TMEM132D: variants seen among roughly 807,000 people sequenced by gnomAD.
TMEM132D encodes the protein mature OL transmembrane protein.
A neutral mutation model predicts 62.3 loss-of-function variants in TMEM132D; 21 were observed. The ratio of observed to expected loss-of-function variants is 0.34; its 90% CI spans 0.24 to 0.49. TMEM132D has a LOEUF of 0.49. TMEM132D is among the 20% of genes least tolerant of loss of function. The pLI is 0.99. For synonymous variants in TMEM132D, 621 were observed against 575.6 expected, an observed-to-expected ratio of 1.08 and a Z score of -1.13; for missense variants, 1,346 against 1,402.8, an observed-to-expected ratio of 0.96 and a Z score of 0.65.
At chr12:129,760,151 T>C (rs1870305170) in intron 1 of TMEM132D, among the ~76,000 whole-genome samples, 1 of 151,934 alleles carries the variant, frequency 6.6e-6, no homozygotes, top group African/African-American at 2.4e-5. Context: ...AAGCAATCCT[T>C]CTGCCTTGGC....
intron 3 of TMEM132D, among the ~76,000 whole-genome samples, chr12:129,454,858 C>T (rs578211937): frequency 1.3e-5 from 2 of 152,292 alleles, no homozygotes; most frequent in East Asian, 3.9e-4. Context: ...AGTCTGTTTT[C>T]CTTGATGAAC....
chr12:129,615,838 AATAAAAT>A (rs1285500075), intron 2 of TMEM132D, among the ~76,000 whole-genome samples: 35 of 150,096 alleles, frequency 2.3e-4, no homozygotes, highest in African/African-American at 8.0e-4. Flanking sequence ...AATAAAATAA[AATAAAAT>A]AAGATAGCTG....
chr12:129,398,847 C>A (rs1050074609), intron 3 of TMEM132D, among the ~76,000 whole-genome samples: 1 of 128,786 alleles, frequency 7.8e-6, no homozygotes, highest in Non-Finnish European at 1.5e-5. Flanking sequence ...TCCATCCATC[C>A]ATCCATCCAT....
chr12:129,215,385 C>G (rs1879173722), intron 4 of TMEM132D, among the ~76,000 whole-genome samples: 1 of 152,104 alleles, frequency 6.6e-6, no homozygotes, highest in South Asian at 2.1e-4. Flanking sequence ...GGGTAGTAGG[C>G]TTAATACCTG....
intron 2 of TMEM132D, among the ~76,000 whole-genome samples, chr12:129,669,944 G>A (rs1880465965): frequency 6.6e-6 from 1 of 152,106 alleles, no homozygotes; most frequent in African/African-American, 2.4e-5. Flanking sequence ...GTTGCAAAGT[G>A]GTTTCATTCT....
intron 1 of TMEM132D, among the ~76,000 whole-genome samples, chr12:129,748,372 G>A (rs1339017224): frequency 6.6e-6 from 1 of 152,076 alleles, no homozygotes; most frequent in Non-Finnish European, 1.5e-5. Flanking sequence ...GAGGAGGGAG[G>A]TTTTTCATTG....
intron 1 of TMEM132D, among the ~76,000 whole-genome samples, chr12:129,880,827 T>C (rs765345058): frequency 7.9e-5 from 12 of 151,264 alleles, no homozygotes; most frequent in African/African-American, 2.5e-4. Context: ...AAAGAACAGA[T>C]AGAACAAATA....
chr12:129,544,714 T>G (rs1048660251), intron 2 of TMEM132D, among the ~76,000 whole-genome samples: 1 of 151,146 alleles, frequency 6.6e-6, no homozygotes, highest in African/African-American at 2.4e-5. Context: ...AGAAAAGAAA[T>G]GAAAAGAAAA....
rs115053356 is a variant in TMEM132D, at chr12:129,440,156, A to T, written c.1115+90903T>A. On this transcript the variant is annotated intron_variant, in intron 3 of 8. Coordinates refer to ENST00000422113, the MANE Select transcript of TMEM132D (RefSeq NM_133448.3). ...ACCTAAACTCACTTTTACCAAAGCTAGTCCAACAGGAAACAAAATGCTCCT... is the reference window on the plus strand; with the variant it reads ...ACCTAAACTCACTTTTACCAAAGCTTGTCCAACAGGAAACAAAATGCTCCT... Among the ~76,000 whole-genome samples the T allele has an allele frequency of 4.5e-3, 692 of 152,368 alleles. 6 individuals carry two copies. The highest frequency in any genetic ancestry group is 0.016 in the African/African-American group (663 of 41,594).
chr12:129,882,289 A>G (rs148743067), intron 1 of TMEM132D, among the ~76,000 whole-genome samples: 49 of 152,258 alleles, frequency 3.2e-4, no homozygotes, highest in African/African-American at 1.1e-3. Flanking sequence ...GTACCCTAAC[A>G]CCAAAAGTAG....
rs566504851 is a variant in TMEM132D at position 129,407,708 on chromosome 12, C to G, written c.1116-69891G>C. ...GATCATGAGGTCAGGAGATCGAGAC[C>G]ATCCTGGCTAACACGGTGAAACCCT... On this transcript the variant is annotated intron_variant, in intron 3 of 8. Transcript: ENST00000422113. 1.1e-3 allele frequency among the ~76,000 whole-genome samples: 165 copies of G among 151,870 alleles called. 2 individuals carry two copies. The highest frequency in any genetic ancestry group is 1.4e-3 in the Non-Finnish European group (94 of 67,956).
chr12:129,538,021 A>G (rs144274952), intron 2 of TMEM132D, among the ~76,000 whole-genome samples: 1 of 152,338 alleles, frequency 6.6e-6, no homozygotes, highest in African/African-American at 2.4e-5. Flanking sequence ...TTTATGTGAA[A>G]TTCCAACATT....
intron 6 of TMEM132D, 77 bp from the exon 7 acceptor site, chr12:129,082,109 G>A (rs1874473275): frequency 6.6e-6 from 10 of 1,506,450 alleles, no homozygotes; most frequent in Middle Eastern, 2.5e-4. Context: ...AGCCTGGTGG[G>A]GGCTGCAGAG....
In TMEM132D at chr12:129,372,023, T is replaced by C. The variant is rs897944709; in HGVS notation, c.1116-34206A>G. On this transcript the variant is annotated intron_variant, in intron 3 of 8. Transcript: ENST00000422113. The stretch of plus-strand genomic sequence containing the variant: ...ATGTCCAGGTAGCTGATAAATGTTG[T>C]TTCTGGGTATGTCTGTGAAGATATT... Among the ~76,000 whole-genome samples the C allele has an allele frequency of 3.3e-5, 5 of 152,194 alleles. No individual in the cohort carries two copies. In the East Asian group the frequency reaches 7.7e-4, roughly 23 times the overall value.
intron 3 of TMEM132D, among the ~76,000 whole-genome samples, chr12:129,381,179 C>A (rs1432377744): frequency 2.0e-5 from 3 of 152,182 alleles, no homozygotes; most frequent in Admixed American, 2.0e-4. Context: ...TCAAAGCCAT[C>A]GTTGCTGGCT....
At chr12:129,221,131 G>T (rs890001768) in intron 4 of TMEM132D, among the ~76,000 whole-genome samples, 1 of 152,208 alleles carries the variant, frequency 6.6e-6, no homozygotes, top group Non-Finnish European at 1.5e-5. Context: ...GGTCAATGTT[G>T]TTTGTTACTT....
chr12:129,398,181 G>C (rs1871489306), intron 3 of TMEM132D, among the ~76,000 whole-genome samples: 1 of 152,160 alleles, frequency 6.6e-6, no homozygotes, highest in African/African-American at 2.4e-5. Flanking sequence ...CACAACATAT[G>C]GTGGCTTAAA....
intron 2 of TMEM132D, among the ~76,000 whole-genome samples, chr12:129,665,676 G>T (rs1330610605): frequency 6.6e-6 from 1 of 152,022 alleles, no homozygotes; most frequent in Non-Finnish European, 1.5e-5. Flanking sequence ...CATCTTTATG[G>T]GTAGAGACTT....
chr12:129,436,323 G>C (rs1228698449), intron 3 of TMEM132D, among the ~76,000 whole-genome samples: 1 of 152,002 alleles, frequency 6.6e-6, no homozygotes, highest in Non-Finnish European at 1.5e-5. Context: ...TCTGATACAT[G>C]GTGTCAAAAC....
Sources: allele counts gnomAD v4.1 joint callset (sites outside exome capture counted in the v4.1 genomes callset), GRCh38; gene constraint gnomAD v4.1.1; transcripts MANE v1.5; gene names NCBI Gene and HGNC (gene_info 2026-07-23, HGNC 2026-07-21).